FICD: variants seen among roughly 807,000 people sequenced by gnomAD.
FICD encodes FIC domain protein adenylyltransferase.
A neutral mutation model predicts 28.0 loss-of-function variants in FICD; 13 were observed. The observed-to-expected ratio is 0.46, with a 90% confidence interval of 0.30 to 0.74. The LOEUF (loss-of-function observed/expected upper bound fraction) is 0.74, where lower values mean the gene tolerates loss of function less well. Among genes scored for constraint, FICD ranks in the 30% least tolerant of loss-of-function variants. The pLI, the probability that FICD is intolerant of heterozygous loss-of-function variation, is 0.07. For missense variants in FICD, 576 were observed against 624.5 expected, an observed-to-expected ratio of 0.92 and a Z score of 0.83; for synonymous variants, 268 against 266.4, an observed-to-expected ratio of 1.01 and a Z score of -0.06.
Position 108,518,861 on chromosome 12 carries a change from G to A in FICD, c.763G>A (p.Gly255Arg), listed in dbSNP as rs371170438. The A allele has an allele frequency of 5.9e-5, 96 of 1,614,014 alleles. No individual in the cohort carries two copies. Among genetic ancestry groups the A allele is most frequent in the Admixed American group, 1.5e-4 (9 of 60,000 alleles). Reference sequence around the variant, plus strand: ...CCTGGAGACCCGCTACGCCGTGCCCGGGAAGAGCCTGGAGGAGCAGAACGA... The same window carrying A: ...CCTGGAGACCCGCTACGCCGTGCCCAGGAAGAGCCTGGAGGAGCAGAACGA... ...HILETRYAVP[G>R]KSLEEQNEVI... is the part of the protein sequence containing the mutation. Residue 255 changes from glycine (G) to arginine (R), a missense_variant, in exon 3 of 3, where the codon GGG becomes AGG. Coordinates refer to ENST00000552695, the MANE Select transcript of FICD (RefSeq NM_007076.3). The surrounding 1 kb of genome is among the most constrained non-coding windows in gnomAD (Gnocchi z 4.4).
In FICD at chr12:108,518,626, A is replaced by T. The variant is rs1173366100; in HGVS notation, c.528A>T (p.Ala176=). The T allele has an allele frequency of 1.9e-6, 3 of 1,614,052 alleles. No homozygotes were observed. In the African/African-American group the frequency reaches 4.0e-5, roughly 22 times the overall value. The change falls in exon 3 of 3, where the codon GCA becomes GCT. Residue 176 remains alanine, a synonymous_variant. Transcript: ENST00000552695. This position sits in a 1 kb window ranked among gnomAD's most constrained non-coding sequence, Gnocchi z 4.4. ...ALTISPYHEK[A]LVNRDRTLPL... Reference sequence around the variant, plus strand: ...CCATCTCACCCTACCATGAGAAAGCACTGGTCAACCGCGATCGGACACTGC... The same window carrying T: ...CCATCTCACCCTACCATGAGAAAGCTCTGGTCAACCGCGATCGGACACTGC...
At position 108,518,634 on chromosome 12, in the gene FICD, A is replaced by G. The variant is rs558604994; in HGVS notation, c.536A>G (p.Asn179Ser). Residue 179 changes from asparagine (N) to serine (S), a missense_variant, in exon 3 of 3, where the codon AAC becomes AGC. Physicochemically the swap from Asn to Ser is conservative, Grantham distance 46 (BLOSUM62 1). Transcript: ENST00000552695. This position sits in a 1 kb window ranked among gnomAD's most constrained non-coding sequence, Gnocchi z 4.4. ...CCCTACCATGAGAAAGCACTGGTCA[A>G]CCGCGATCGGACACTGCCTCTTGTG... ...ISPYHEKALVNRDRTLPLVEE... is the reference protein window; with the variant it reads ...ISPYHEKALVSRDRTLPLVEE... 3 of 1,614,020 alleles carry G rather than the reference A, an allele frequency of 1.9e-6. No individual in the cohort carries two copies. The highest frequency in any genetic ancestry group is 1.7e-5 in the Admixed American group (1 of 60,000).
chr12:108,519,428 C>G lies in FICD; in HGVS notation c.1330C>G (p.Gln444Glu). 1 of 1,613,974 alleles carries G rather than the reference C, an allele frequency of 6.2e-7. No homozygotes were observed. The highest frequency in any genetic ancestry group is 8.5e-7 in the Non-Finnish European group (1 of 1,179,976). The change falls in exon 3 of 3, where the codon CAA becomes GAA. Residue 444 changes from glutamine (Q) to glutamate (E), a missense_variant. Gln to Glu is a conservative substitution (Grantham distance 29). Coordinates refer to ENST00000552695, the MANE Select transcript of FICD (RefSeq NM_007076.3). This position sits in a 1 kb window ranked among gnomAD's most constrained non-coding sequence, Gnocchi z 4.5. ...GTACTCGGTGGCACTGCCAGAAGCC[C>G]AACCCAACCACTCTGGGTTCAAGGA... Reference protein sequence around the residue: ...TEYSVALPEAQPNHSGFKETL... With the variant: ...TEYSVALPEAEPNHSGFKETL...
Position 108,518,134 on chromosome 12 carries a change from G to A in FICD, c.302-266G>A. 1 of 702,302 alleles carries A rather than the reference G, an allele frequency of 1.4e-6. No homozygotes were observed. The highest frequency in any genetic ancestry group is 2.7e-5 in the East Asian group (1 of 37,296). The allele number at this position is 702,302 out of a possible 1,614,324, so 43.5% of individuals were successfully genotyped here. On this transcript the variant is annotated intron_variant, in intron 2 of 2. Coordinates refer to ENST00000552695, the MANE Select transcript of FICD (RefSeq NM_007076.3). The surrounding 1 kb of genome is among the most constrained non-coding windows in gnomAD (Gnocchi z 4.4). ...TCTATGTCCAGAAAGCAGGAGGCTAGGAAGCCAAGGAGGTGCCTCCCAGAA... is the reference window on the plus strand; with the variant it reads ...TCTATGTCCAGAAAGCAGGAGGCTAAGAAGCCAAGGAGGTGCCTCCCAGAA...
chr12:108,520,581 G>A lies in FICD; in HGVS notation c.*1106G>A, dbSNP rs552115210. On this transcript the variant is annotated 3_prime_UTR_variant, in exon 3 of 3. Transcript: ENST00000552695. ...CCTGGGAGGCAGAAGAGATTGCCTC[G>A]GAGTGGCCTTATTTTTCTCGCAACT... 5.3e-5 allele frequency: 8 copies of A among 152,292 alleles called. No individual in the cohort carries two copies. In the South Asian group the frequency reaches 8.3e-4, roughly 16 times the overall value. The allele number at this position is 152,292 out of a possible 1,614,324, so 9.4% of individuals were successfully genotyped here.
chr12:108,518,862 G>A lies in FICD; in HGVS notation c.764G>A (p.Gly255Glu), dbSNP rs757676830. 2 of 1,614,164 alleles carry A rather than the reference G, an allele frequency of 1.2e-6. No individual in the cohort carries two copies. The change falls in exon 3 of 3, where the codon GGG becomes GAG. Residue 255 changes from glycine to glutamate, a missense_variant. Physicochemically the swap from Gly to Glu is moderately conservative, Grantham distance 98 (BLOSUM62 -2). Coordinates refer to ENST00000552695, the MANE Select transcript of FICD (RefSeq NM_007076.3). The surrounding 1 kb of genome is among the most constrained non-coding windows in gnomAD (Gnocchi z 4.4). ...CTGGAGACCCGCTACGCCGTGCCCG[G>A]GAAGAGCCTGGAGGAGCAGAACGAG... ...HILETRYAVP[G>E]KSLEEQNEVI...
At chr12:108,516,014 GC>G (rs749069088) in intron 1 of FICD, among the ~76,000 whole-genome samples, 2 of 152,180 alleles carry the variant, frequency 1.3e-5, no homozygotes, top group Non-Finnish European at 2.9e-5. Flanking sequence ...GTGAAACGAG[GC>G]AATGCGTGGC....
At position 108,518,684 on chromosome 12, in the gene FICD, A is replaced by C; in HGVS notation, c.586A>C (p.Ser196Arg). ...GGAAGAGATCGACCAGAGGTATTTC[A>C]GCATCATCGACAGCAAAGTGAAGAA... ...LVEEIDQRYF[S>R]IIDSKVKKVM... is the part of the protein sequence containing the mutation. Residue 196 changes from serine to arginine, a missense_variant, in exon 3 of 3, where the codon AGC (serine) becomes CGC (arginine). Ser to Arg is a moderately radical substitution (Grantham distance 110). Transcript: ENST00000552695. The surrounding 1 kb of genome is among the most constrained non-coding windows in gnomAD (Gnocchi z 4.4). 1 of 1,614,220 alleles carries C rather than the reference A, an allele frequency of 6.2e-7. No individual in the cohort carries two copies. The highest frequency in any genetic ancestry group is 1.6e-4 in the Middle Eastern group (1 of 6,062).
rs1332246936 is a variant in FICD at position 108,518,899 on chromosome 12, G to A, written c.801G>A (p.Met267Ile). ...SLEEQNEVIG[M>I]HAAMKYINTT... Reference sequence around the variant, plus strand: ...AGGAGCAGAACGAGGTCATAGGCATGCATGCAGCCATGAAGTACATCAACA... The same window carrying A: ...AGGAGCAGAACGAGGTCATAGGCATACATGCAGCCATGAAGTACATCAACA... The change falls in exon 3 of 3, where the codon ATG becomes ATA. Residue 267 changes from methionine to isoleucine, a missense_variant. Physicochemically the swap from Met to Ile is conservative, Grantham distance 10. Coordinates refer to ENST00000552695, the MANE Select transcript of FICD (RefSeq NM_007076.3). The surrounding 1 kb of genome is among the most constrained non-coding windows in gnomAD (Gnocchi z 4.4). 27 of 1,614,076 alleles carry A rather than the reference G, an allele frequency of 1.7e-5. No homozygotes were observed. The highest frequency in any genetic ancestry group is 2.1e-5 in the Non-Finnish European group (25 of 1,180,048).
chr12:108,519,447 T>A lies in FICD; in HGVS notation c.1349T>A (p.Phe450Tyr), dbSNP rs1872033379. The A allele has an allele frequency of 3.1e-6, 5 of 1,612,822 alleles. No individual in the cohort carries two copies. The highest frequency in any genetic ancestry group is 1.3e-5 in the African/African-American group (1 of 74,812). Residue 450 changes from phenylalanine (F) to tyrosine (Y), a missense_variant, in exon 3 of 3, where the codon TTC (phenylalanine) becomes TAC (tyrosine). Phe to Tyr is a conservative substitution (Grantham distance 22). Transcript: ENST00000552695. The surrounding 1 kb of genome is among the most constrained non-coding windows in gnomAD (Gnocchi z 4.5). ...LPEAQPNHSG[F>Y]KETLPVKP ...GAAGCCCAACCCAACCACTCTGGGT[T>A]CAAGGAGACGCTTCCTGTGAAGCCC... is the stretch of plus-strand genomic sequence containing the variant.
chr12:108,518,306 G>A lies in FICD; in HGVS notation c.302-94G>A, dbSNP rs1871972061. Reference sequence around the variant, plus strand: ...CCAGGGACACAGGCTGGTCATCATGGTTTCCTGCGGAGACCAGCACAGGGG... The same window carrying A: ...CCAGGGACACAGGCTGGTCATCATGATTTCCTGCGGAGACCAGCACAGGGG... On this transcript the variant is annotated intron_variant, in intron 2 of 2. Transcript: ENST00000552695. This position sits in a 1 kb window ranked among gnomAD's most constrained non-coding sequence, Gnocchi z 4.4. 2 of 1,063,954 alleles carry A rather than the reference G, an allele frequency of 1.9e-6. No individual in the cohort carries two copies. Among genetic ancestry groups the A allele is most frequent in the African/African-American group, 1.6e-5 (1 of 63,906 alleles). The allele number at this position is 1,063,954 out of a possible 1,614,324, so 65.9% of individuals were successfully genotyped here. A position where few individuals can be genotyped will look rare whatever the true frequency, so the allele number is the denominator to read the frequency against.
chr12:108,518,332 A>G lies in FICD; in HGVS notation c.302-68A>G, dbSNP rs778749450. ...TTTCCTGCGGAGACCAGCACAGGGGACAGCCCCCCGAATGTCCTCTGCCCC... is the reference window on the plus strand; with the variant it reads ...TTTCCTGCGGAGACCAGCACAGGGGGCAGCCCCCCGAATGTCCTCTGCCCC... On this transcript the variant is annotated intron_variant, in intron 2 of 2. Transcript: ENST00000552695. This position sits in a 1 kb window ranked among gnomAD's most constrained non-coding sequence, Gnocchi z 4.4. The G allele has an allele frequency of 1.7e-5, 22 of 1,325,218 alleles. No individual in the cohort carries two copies. Among genetic ancestry groups the G allele is most frequent in the Non-Finnish European group, 2.3e-5 (21 of 926,744 alleles). The allele number at this position is 1,325,218 out of a possible 1,614,324, so 82.1% of individuals were successfully genotyped here. A position where few individuals can be genotyped will look rare whatever the true frequency, so the allele number is the denominator to read the frequency against.
At position 108,519,154 on chromosome 12, in the gene FICD, A is replaced by G. The variant is rs146389257; in HGVS notation, c.1056A>G (p.Ala352=). Reference sequence around the variant, plus strand: ...TGAACCTGCACCCAGTGGAGTTTGCAGCCTTAGCCCATTATAAACTCGTTT... The same window carrying G: ...TGAACCTGCACCCAGTGGAGTTTGCGGCCTTAGCCCATTATAAACTCGTTT... ...EAMNLHPVEF[A]ALAHYKLVYI... Residue 352 remains alanine, a synonymous_variant, in exon 3 of 3, where the codon GCA becomes GCG. Coordinates refer to ENST00000552695, the MANE Select transcript of FICD (RefSeq NM_007076.3). The surrounding 1 kb of genome is among the most constrained non-coding windows in gnomAD (Gnocchi z 4.5). 6.2e-7 allele frequency: 1 copy of G among 1,614,238 alleles called. No homozygotes were observed. The highest frequency in any genetic ancestry group is 8.5e-7 in the Non-Finnish European group (1 of 1,180,030).
At position 108,518,413 on chromosome 12, in the gene FICD, A is replaced by C; in HGVS notation, c.315A>C (p.Glu105Asp). 10 of 1,613,906 alleles carry C rather than the reference A, an allele frequency of 6.2e-6. No individual in the cohort carries two copies. Among genetic ancestry groups the C allele is most frequent in the Non-Finnish European group, 8.5e-6 (10 of 1,179,848 alleles). Residue 105 changes from glutamate to aspartate, a missense_variant, in exon 3 of 3, where the codon GAA (glutamate) becomes GAC (aspartate). Glu to Asp is a conservative substitution (Grantham distance 45, BLOSUM62 2). Coordinates refer to ENST00000552695, the MANE Select transcript of FICD (RefSeq NM_007076.3). The surrounding 1 kb of genome is among the most constrained non-coding windows in gnomAD (Gnocchi z 4.4). Reference protein sequence around the residue: ...KTKASPAGKLEARAALNQALE... With the variant: ...KTKASPAGKLDARAALNQALE... ...GCTCTCTTCCAGCGGGTAAGTTGGAAGCCAGAGCTGCCCTGAACCAGGCCC... is the reference window on the plus strand; with the variant it reads ...GCTCTCTTCCAGCGGGTAAGTTGGACGCCAGAGCTGCCCTGAACCAGGCCC...
In FICD at chr12:108,519,046, C is replaced by A. The variant is rs749060972; in HGVS notation, c.948C>A (p.Val316=). The change falls in exon 3 of 3, where the codon GTC becomes GTA. Residue 316 remains valine (V), a synonymous_variant. Transcript: ENST00000552695. This position sits in a 1 kb window ranked among gnomAD's most constrained non-coding sequence, Gnocchi z 4.5. Reference sequence around the variant, plus strand: ...GGTTTCGGACAACACAGGTCCTGGTCGGACACCACATCCCTCCCCATCCGC... The same window carrying A: ...GGTTTCGGACAACACAGGTCCTGGTAGGACACCACATCCCTCCCCATCCGC... ...AGRFRTTQVL[V]GHHIPPHPQD... 1 of 1,614,152 alleles carries A rather than the reference C, an allele frequency of 6.2e-7. No individual in the cohort carries two copies. Among genetic ancestry groups the A allele is most frequent in the Non-Finnish European group, 8.5e-7 (1 of 1,180,018 alleles).
intron 2 of FICD, chr12:108,517,476 G>C (rs1016928807): frequency 1.8e-5 from 8 of 438,024 alleles, no homozygotes; most frequent in African/African-American, 1.6e-4. Context: ...TACCAGGAAG[G>C]CTCCCTGGAG....
At position 108,518,597 on chromosome 12, in the gene FICD, T is replaced by C. The variant is rs745904094; in HGVS notation, c.499T>C (p.Leu167=). The C allele has an allele frequency of 3.7e-6, 6 of 1,614,082 alleles. No homozygotes were observed. The highest frequency in any genetic ancestry group is 1.6e-4 in the Middle Eastern group (1 of 6,084). Residue 167 remains leucine (L), a synonymous_variant, in exon 3 of 3, where the codon TTG becomes CTG. Transcript: ENST00000552695. This position sits in a 1 kb window ranked among gnomAD's most constrained non-coding sequence, Gnocchi z 4.4. ...IQADYLYTRA[L]TISPYHEKAL... ...GGCGGACTACTTGTACACCAGAGCA[T>C]TGACCATCTCACCCTACCATGAGAA...
intron 1 of FICD, 78 bp from the exon 2 acceptor site, chr12:108,516,837 C>T (rs1638514949): frequency 1.5e-6 from 1 of 681,342 alleles, no homozygotes; most frequent in African/African-American, 1.8e-5. Flanking sequence ...GCAGAAGTCT[C>T]CAAACCCATC....
At chr12:108,517,753 G>T (rs1871953452) in intron 2 of FICD, among the ~76,000 whole-genome samples, 1 of 152,166 alleles carries the variant, frequency 6.6e-6, no homozygotes, top group African/African-American at 2.4e-5. Context: ...GGGACTGAAA[G>T]TGCATTGTTA....
Sources: allele counts gnomAD v4.1 joint callset (sites outside exome capture counted in the v4.1 genomes callset), GRCh38; gene constraint gnomAD v4.1.1; non-coding constraint Gnocchi (gnomAD v3.1); transcripts MANE v1.5; gene names NCBI Gene and HGNC (gene_info 2026-07-23, HGNC 2026-07-21).